ACACA: variants seen among roughly 807,000 people sequenced by gnomAD.
ACACA encodes the protein acetyl-CoA carboxylase 1.
In ACACA, 103 loss-of-function variants were observed where a neutral mutation model predicts 296.1. That is an observed-to-expected ratio of 0.35 (90% CI 0.30 to 0.41). The LOEUF (loss-of-function observed/expected upper bound fraction) is 0.41, where lower values mean the gene tolerates loss of function less well. Among genes scored for constraint, ACACA ranks in the 10% least tolerant of loss-of-function variants. The pLI, the probability that ACACA is intolerant of heterozygous loss-of-function variation, is 1.00. For missense variants in ACACA, 1,554 were observed against 2,989.7 expected, an observed-to-expected ratio of 0.52 and a Z score of 11.20; for synonymous variants, 953 against 1,038.6, an observed-to-expected ratio of 0.92 and a Z score of 1.58.
chr17:37,330,701 T>C (rs1296805431), intron 2 of ACACA, among the ~76,000 whole-genome samples: 1 of 152,204 alleles, frequency 6.6e-6, no homozygotes, highest in Non-Finnish European at 1.5e-5. Context: ...TCATTTTCAT[T>C]TGGTGGTGTC....
At chr17:37,269,987 G>T in intron 10 of ACACA, among the ~76,000 whole-genome samples, 1 of 152,152 alleles carries the variant, frequency 6.6e-6, no homozygotes, top group Non-Finnish European at 1.5e-5. Context: ...AGAACAAAAA[G>T]AGACCCCTGT....
chr17:37,298,417 G>T (rs2083457384), intron 3 of ACACA, among the ~76,000 whole-genome samples: 1 of 152,210 alleles, frequency 6.6e-6, no homozygotes, highest in African/African-American at 2.4e-5. Context: ...GCCAGGCACA[G>T]TGGCCTGTAA....
chr17:37,386,792 G>A (rs562764995), intron 1 of ACACA: 31 of 152,228 alleles, frequency 2.0e-4, no homozygotes, highest in African/African-American at 7.0e-4. Flanking sequence ...GCAATTATAA[G>A]AGTGATGACA....
intron 42 of ACACA, among the ~76,000 whole-genome samples, chr17:37,158,800 G>A (rs971775731): frequency 6.6e-6 from 1 of 152,050 alleles, no homozygotes; most frequent in African/African-American, 2.4e-5. Flanking sequence ...GGTCCTAGTG[G>A]GGTTGAGAAT....
chr17:37,336,728 G>T (rs2048136173), intron 2 of ACACA, among the ~76,000 whole-genome samples: 1 of 152,112 alleles, frequency 6.6e-6, no homozygotes, highest in African/African-American at 2.4e-5. Flanking sequence ...ATTTTGAAGT[G>T]CTCTAAGATA....
Position 37,268,088 on chromosome 17 carries a change from T to C in ACACA, c.1119+2663A>G, listed in dbSNP as rs572706051. On this transcript the variant is annotated intron_variant, in intron 10 of 55. Coordinates refer to ENST00000616317, the MANE Select transcript of ACACA (RefSeq NM_198834.3). ...CTCTACCAAAATTCTCAATCTTGCC[T>C]TTACTTTCCTTGAATATATTACGCA... is the stretch of plus-strand genomic sequence containing the variant. 2.6e-5 allele frequency among the ~76,000 whole-genome samples: 4 copies of C among 152,342 alleles called. No homozygotes were observed. In the South Asian group the frequency reaches 8.3e-4, roughly 32 times the overall value.
At chr17:37,257,170 G>A (rs1020903322) in intron 14 of ACACA, among the ~76,000 whole-genome samples, 6 of 152,054 alleles carry the variant, frequency 3.9e-5, no homozygotes, top group Non-Finnish European at 8.8e-5. Context: ...TCTTGTATTA[G>A]CAATGTAGAC....
chr17:37,160,106 C>T (rs2076401819), intron 42 of ACACA, among the ~76,000 whole-genome samples: 1 of 152,092 alleles, frequency 6.6e-6, no homozygotes, highest in South Asian at 2.1e-4. Flanking sequence ...AGAAGAACAT[C>T]TGGAGACAGC....
chr17:37,386,540 C>T (rs1356643694), intron 1 of ACACA, among the ~76,000 whole-genome samples: 2 of 152,144 alleles, frequency 1.3e-5, no homozygotes, highest in South Asian at 2.1e-4. Context: ...TGCAGTGAGC[C>T]GAGATTGTCC....
At chr17:37,227,879 T>A (rs866636888) in intron 25 of ACACA, among the ~76,000 whole-genome samples, 2,940 of 124,714 alleles carry the variant, frequency 0.024, 48 homozygotes, top group Non-Finnish European at 0.034. Flanking sequence ...AAAAAAAAAA[T>A]TTTTTTTAAA....
chr17:37,216,903 C>T (rs1397145307), intron 29 of ACACA, among the ~76,000 whole-genome samples: 1 of 151,796 alleles, frequency 6.6e-6, no homozygotes, highest in Non-Finnish European at 1.5e-5. Context: ...CCGTGTTTCA[C>T]CCCAACCTAT....
At chr17:37,397,810 G>T (rs1424824355) in intron 1 of ACACA, among the ~76,000 whole-genome samples, 1 of 152,156 alleles carries the variant, frequency 6.6e-6, no homozygotes, top group African/African-American at 2.4e-5. Flanking sequence ...TTGGTGCAGT[G>T]TAGCAACAGG....
intron 41 of ACACA, among the ~76,000 whole-genome samples, chr17:37,173,344 A>G (rs189862230): frequency 6.6e-6 from 1 of 152,328 alleles, no homozygotes; most frequent in East Asian, 1.9e-4. Flanking sequence ...TTTTTCTAAA[A>G]TAAGAGGTCC....
At chr17:37,107,434 GAA>G (rs1343105337) in intron 52 of ACACA, among the ~76,000 whole-genome samples, 1 of 152,192 alleles carries the variant, frequency 6.6e-6, no homozygotes, top group Non-Finnish European at 1.5e-5. Flanking sequence ...GGCTTGGGAG[GAA>G]GGCATTCCTG....
chr17:37,200,215 ACAG>A (rs2078183462), intron 34 of ACACA, 32 bp from the exon 35 acceptor site: 3 of 1,581,144 alleles, frequency 1.9e-6, no homozygotes, highest in South Asian at 1.1e-5. Flanking sequence ...GGAAGGAAAG[ACAG>A]CAGAAGTTGG....
intron 33 of ACACA, among the ~76,000 whole-genome samples, chr17:37,202,099 T>C (rs996183556): frequency 2.0e-5 from 3 of 151,994 alleles, no homozygotes; most frequent in African/African-American, 4.8e-5. Context: ...ATGAAAAAAA[T>C]GTGTCGAAGG....
chr17:37,253,913 A>T (rs1054157950), intron 14 of ACACA, among the ~76,000 whole-genome samples: 9 of 152,140 alleles, frequency 5.9e-5, no homozygotes, highest in South Asian at 4.1e-4. Flanking sequence ...TGTTTTTTTT[A>T]AAACTGCATT....
At chr17:37,138,462 T>C (rs1425284440) in intron 45 of ACACA, among the ~76,000 whole-genome samples, 1 of 152,266 alleles carries the variant, frequency 6.6e-6, no homozygotes, top group Non-Finnish European at 1.5e-5. Context: ...AAGGGGGACC[T>C]TTCTGACTTG....
chr17:37,218,157 A>C (rs2145601378), intron 29 of ACACA, among the ~76,000 whole-genome samples: 1 of 150,712 alleles, frequency 6.6e-6, no homozygotes, highest in South Asian at 2.1e-4. Flanking sequence ...CAAAAAAAAA[A>C]AAAAAAAAAA....
Sources: allele counts gnomAD v4.1 joint callset (sites outside exome capture counted in the v4.1 genomes callset), GRCh38; gene constraint gnomAD v4.1.1; transcripts MANE v1.5; gene names NCBI Gene and HGNC (gene_info 2026-07-23, HGNC 2026-07-21).